Variants in NSD3 observed in about 807,000 individuals in gnomAD.
NSD3 encodes nuclear receptor binding SET domain protein 3.
A neutral mutation model predicts 160.8 loss-of-function variants in NSD3; 24 were observed. The observed-to-expected ratio is 0.15, with a 90% CI of 0.11 to 0.21. The LOEUF is 0.21. Among genes scored for constraint, NSD3 ranks in the 10% least tolerant of loss-of-function variants. The pLI, the probability that NSD3 is intolerant of heterozygous loss-of-function variation, is 1.00. For missense variants in NSD3, 1,157 were observed against 1,735.9 expected, an observed-to-expected ratio of 0.67 and a Z score of 5.93; for synonymous variants, 520 against 600.0, an observed-to-expected ratio of 0.87 and a Z score of 1.95.
intron 1 of NSD3, among the ~76,000 whole-genome samples, chr8:38,374,284 TA>T (rs930205569): frequency 6.6e-6 from 1 of 150,816 alleles, no homozygotes; most frequent in Non-Finnish European, 1.5e-5. Context: ...TCTCTAAAAA[TA>T]AAAAAAATAA....
intron 7 of NSD3, among the ~76,000 whole-genome samples, chr8:38,324,531 C>T (rs1284385519): frequency 6.6e-6 from 1 of 152,208 alleles, no homozygotes; most frequent in Non-Finnish European, 1.5e-5. Flanking sequence ...ATTACCACTT[C>T]AGGTCTTAAG....
At position 38,277,789 on chromosome 8, in the gene NSD3, T is replaced by A. The variant is rs371483160; in HGVS notation, c.3867+517A>T. On this transcript the variant is annotated intron_variant, in intron 22 of 23. Transcript: ENST00000317025. ...ATATTCAATCTGAAATGAAATACATTCTCAGAACCTAACAGACCTTACTGA... is the reference window on the plus strand; with the variant it reads ...ATATTCAATCTGAAATGAAATACATACTCAGAACCTAACAGACCTTACTGA... Among the ~76,000 whole-genome samples, 53 of 152,276 alleles carry A rather than the reference T, an allele frequency of 3.5e-4. 1 individual carries two copies. In the South Asian group the frequency reaches 0.01, roughly 30 times the overall value.
intron 14 of NSD3, 107 bp downstream of exon 14, chr8:38,304,480 G>T: frequency 8.9e-7 from 1 of 1,118,004 alleles, no homozygotes; most frequent in Non-Finnish European, 1.3e-6. Flanking sequence ...CTGGGTAGGA[G>T]ATTCTACTAG....
rs1215950712 is a variant in NSD3, at chr8:38,304,830, G to A, written c.2441-73C>T. 7 of 1,466,178 alleles carry A rather than the reference G, an allele frequency of 4.8e-6. No individual in the cohort carries two copies. In the African/African-American group the frequency reaches 8.5e-5, roughly 18 times the overall value. The allele number at this position is 1,466,178 out of a possible 1,614,324, so 90.8% of individuals were successfully genotyped here. A position where few individuals can be genotyped will look rare whatever the true frequency, so the allele number is the denominator to read the frequency against. ...CATAAAAATAAGTTTCTGGAGTTGG[G>A]CTTTTTTGGGTCCCTCTGAGATGCT... On this transcript the variant is annotated intron_variant, in intron 13 of 23. Coordinates refer to ENST00000317025, the MANE Select transcript of NSD3 (RefSeq NM_023034.2).
intron 16 of NSD3, 148 bp downstream of exon 16, chr8:38,295,648 C>G: frequency 1.4e-6 from 1 of 720,784 alleles, no homozygotes. Flanking sequence ...AAGAACCCAG[C>G]CTCAAAACAT....
chr8:38,287,237 G>A (rs1382445207), intron 19 of NSD3, among the ~76,000 whole-genome samples: 1 of 152,048 alleles, frequency 6.6e-6, no homozygotes, highest in African/African-American at 2.4e-5. Flanking sequence ...TTGGGAATAG[G>A]TTAAATTATT....
intron 12 of NSD3, among the ~76,000 whole-genome samples, chr8:38,308,039 G>A (rs1376562705): frequency 6.6e-6 from 1 of 152,120 alleles, no homozygotes; most frequent in Non-Finnish European, 1.5e-5. Flanking sequence ...AATGTTTATT[G>A]GTCATCTGAA....
In NSD3 at chr8:38,272,388, C is replaced by G. The variant is rs1808503368; in HGVS notation, c.*3253G>C. On this transcript the variant is annotated 3_prime_UTR_variant, in exon 24 of 24. Coordinates refer to ENST00000317025, the MANE Select transcript of NSD3 (RefSeq NM_023034.2). ...ACCCACCTCACTCCTGTATCTCTCC[C>G]TGATTAGACATTAAAGAGGTGAATC... 6.6e-6 allele frequency: 1 copy of G among 152,212 alleles called. No individual in the cohort carries two copies. The highest frequency in any genetic ancestry group is 2.4e-5 in the African/African-American group (1 of 41,446). The allele number at this position is 152,212 out of a possible 1,614,324, so 9.4% of individuals were successfully genotyped here.
At chr8:38,354,320 C>T (rs1810771256) in intron 1 of NSD3, among the ~76,000 whole-genome samples, 1 of 152,132 alleles carries the variant, frequency 6.6e-6, no homozygotes, top group South Asian at 2.1e-4. Context: ...AAAGACTATT[C>T]TAGATTAAAA....
At chr8:38,276,031 G>C in intron 23 of NSD3, 149 bp from the exon 24 acceptor site, 1 of 829,854 alleles carries the variant, frequency 1.2e-6, no homozygotes, top group Non-Finnish European at 1.9e-6. Flanking sequence ...CATAGATCTG[G>C]GTGTACAGTT....
chr8:38,326,971 C>T (rs865969509), intron 6 of NSD3, 115 bp from the exon 7 acceptor site: 19 of 1,107,410 alleles, frequency 1.7e-5, no homozygotes, highest in Middle Eastern at 3.0e-4. Flanking sequence ...TTTATATGGT[C>T]TTTGATTGCA....
At chr8:38,308,174 T>A (rs1414881940) in intron 12 of NSD3, among the ~76,000 whole-genome samples, 1 of 152,250 alleles carries the variant, frequency 6.6e-6, no homozygotes, top group Non-Finnish European at 1.5e-5. Context: ...ACTGCATTAT[T>A]GTTCTTTGAT....
In NSD3 at chr8:38,288,611, T is replaced by A; in HGVS notation, c.3377A>T (p.Gln1126Leu). 6.2e-7 allele frequency: 1 copy of A among 1,614,218 alleles called. No individual in the cohort carries two copies. The highest frequency in any genetic ancestry group is 8.5e-7 in the Non-Finnish European group (1 of 1,180,046). Reference sequence around the variant, plus strand: ...ACAACGATCTCCAGCTGGGCACACCTGCGGGTGGCATTCATACTGCAACAT... The same window carrying A: ...ACAACGATCTCCAGCTGGGCACACCAGCGGGTGGCATTCATACTGCAACAT... ...NRMLQYECHP[Q>L]VCPAGDRCQN... The change falls in exon 19 of 24, where the codon CAG (glutamine) becomes CTG (leucine). Residue 1126 changes from glutamine (Q) to leucine (L), a missense_variant. Coordinates refer to ENST00000317025, the MANE Select transcript of NSD3 (RefSeq NM_023034.2). The surrounding 1 kb of genome is among the most constrained non-coding windows in gnomAD (Gnocchi z 4.5).
chr8:38,293,143 A>AG (rs1467787945), intron 16 of NSD3, among the ~76,000 whole-genome samples: 1 of 151,822 alleles, frequency 6.6e-6, no homozygotes, highest in East Asian at 1.9e-4. Flanking sequence ...CTCAAAAAAA[A>AG]AAAAAAAAAG....
In NSD3 at chr8:38,319,026, T is replaced by C; in HGVS notation, c.1810-86A>G. ...GAGGGAAAAGATACTTTCATCAATC[T>C]AAGCAATGATGAGTGATTAATGTAT... On this transcript the variant is annotated intron_variant, in intron 8 of 23. Coordinates refer to ENST00000317025, the MANE Select transcript of NSD3 (RefSeq NM_023034.2). This position sits in a 1 kb window ranked among gnomAD's most constrained non-coding sequence, Gnocchi z 4.1. 2 of 1,152,718 alleles carry C rather than the reference T, an allele frequency of 1.7e-6. No homozygotes were observed. Among genetic ancestry groups the C allele is most frequent in the Non-Finnish European group, 2.5e-6 (2 of 789,664 alleles). 71.4% of individuals were successfully genotyped at this position (1,152,718 alleles called of 1,614,324 possible).
rs370007995 is a variant in NSD3 at position 38,275,853 on chromosome 8, C to T, written c.4102G>A (p.Asp1368Asn). The change falls in exon 24 of 24, where the codon GAT becomes AAT. Residue 1368 changes from aspartate to asparagine, a missense_variant. By Grantham distance (23) the Asp-to-Asn change is conservative. Coordinates refer to ENST00000317025, the MANE Select transcript of NSD3 (RefSeq NM_023034.2). ...GKWECPWHQCDECSSAAVSFC... is the reference protein window; with the variant it reads ...GKWECPWHQCNECSSAAVSFC... Reference sequence around the variant, plus strand: ...GAAACAGCTGCACTGCTGCACTCATCGCACTGATGCCACGGACACTCCCAC... The same window carrying T: ...GAAACAGCTGCACTGCTGCACTCATTGCACTGATGCCACGGACACTCCCAC... 9.9e-6 allele frequency: 16 copies of T among 1,614,142 alleles called. No individual in the cohort carries two copies. The highest frequency in any genetic ancestry group is 5.5e-5 in the South Asian group (5 of 91,078).
chr8:38,316,139 C>T lies in NSD3; in HGVS notation c.1856-97G>A, dbSNP rs1043568041. 3.9e-5 allele frequency: 59 copies of T among 1,494,576 alleles called. No homozygotes were observed. Among genetic ancestry groups the T allele is most frequent in the Admixed American group, 6.0e-5 (3 of 49,780 alleles). The allele number at this position is 1,494,576 out of a possible 1,614,324, so 92.6% of individuals were successfully genotyped here. On this transcript the variant is annotated intron_variant, in intron 9 of 23. Transcript: ENST00000317025. This position sits in a 1 kb window ranked among gnomAD's most constrained non-coding sequence, Gnocchi z 4.5. ...GAATATTTTCTTTTCTCAAACTCAT[C>T]TTTAGTGTGGAAAAAGCATAGCTCT...
At chr8:38,371,115 TA>T (rs959046101) in intron 1 of NSD3, among the ~76,000 whole-genome samples, 1 of 151,862 alleles carries the variant, frequency 6.6e-6, no homozygotes. Context: ...TATTAAATAA[TA>T]AAACATATTA....
intron 22 of NSD3, among the ~76,000 whole-genome samples, chr8:38,277,339 G>A (rs759304112): frequency 4.6e-5 from 7 of 152,162 alleles, no homozygotes; most frequent in Non-Finnish European, 8.8e-5. Context: ...GTGCAATGGC[G>A]CGACCTTGGC....
Sources: gnomAD v4.1 joint callset for allele counts (sites outside exome capture counted in the v4.1 genomes callset) on GRCh38, gnomAD v4.1.1 for gene constraint, Gnocchi (gnomAD v3.1) non-coding constraint, MANE v1.5 for transcripts, NCBI Gene and HGNC (gene_info 2026-07-23, HGNC 2026-07-21) for gene names.